Variants in PDE10A observed in about 807,000 individuals in gnomAD.
PDE10A encodes the protein cAMP and cAMP-inhibited cGMP 3',5'-cyclic phosphodiesterase 10A.
Under a neutral mutation model 97.7 loss-of-function variants are expected in PDE10A, and 39 were observed. The ratio of observed to expected loss-of-function variants is 0.40; its 90% CI spans 0.31 to 0.52. The LOEUF (loss-of-function observed/expected upper bound fraction) is 0.52. Among genes scored for constraint, PDE10A ranks in the 20% least tolerant of loss-of-function variants. The probability of loss-of-function intolerance (pLI) is 0.56; values close to 1 mark genes in which losing one functional copy is unlikely to be tolerated. For synonymous variants in PDE10A, 371 were observed against 376.8 expected (o/e 0.98, Z 0.18); for missense variants, 731 against 1,047.8 (o/e 0.70, Z 4.17).
chr6:165,830,016 T>C (rs1042460541), intron 1 of PDE10A, among the ~76,000 whole-genome samples: 7 of 152,168 alleles, frequency 4.6e-5, no homozygotes, highest in African/African-American at 1.4e-4. Context: ...GGCAATAAAC[T>C]GAAACTTCAG....
At chr6:165,422,126 C>G (rs1788736815) in intron 10 of PDE10A, among the ~76,000 whole-genome samples, 1 of 152,104 alleles carries the variant, frequency 6.6e-6, no homozygotes, top group Admixed American at 6.5e-5. Context: ...CACCTTTTCA[C>G]TCTCCCCAAA....
chr6:165,955,070 G>A (rs941760374), intron 1 of PDE10A, among the ~76,000 whole-genome samples: 7 of 152,094 alleles, frequency 4.6e-5, no homozygotes, highest in African/African-American at 7.2e-5. Flanking sequence ...AATGGTCGCC[G>A]TTTCCGTGAC....
rs75779134 is a variant in PDE10A, at chr6:165,817,682, G to A, written c.-615+169847C>T. Among the ~76,000 whole-genome samples the A allele has an allele frequency of 2.4e-3, 358 of 152,294 alleles. 4 individuals are homozygous for A. In the East Asian group the frequency reaches 0.053, roughly 23 times the overall value. On this transcript the variant is annotated intron_variant, in intron 1 of 19. Coordinates refer to the PDE10A transcript ENST00000366882. ...GTCATGTGAGCCGAGCAGGGTGTCAGGGGGAGCAGACTTGGGAAACCCTGC... is the reference window on the plus strand; with the variant it reads ...GTCATGTGAGCCGAGCAGGGTGTCAAGGGGAGCAGACTTGGGAAACCCTGC...
chr6:165,605,432 G>C (rs1787161846), intron 1 of PDE10A, among the ~76,000 whole-genome samples: 1 of 152,302 alleles, frequency 6.6e-6, no homozygotes, highest in Admixed American at 6.5e-5. Flanking sequence ...CTAAAAATAA[G>C]TTTCCTGTAG....
At chr6:165,840,144 C>T (rs1262914588) in intron 1 of PDE10A, among the ~76,000 whole-genome samples, 1 of 151,548 alleles carries the variant, frequency 6.6e-6, no homozygotes, top group Non-Finnish European at 1.5e-5. Context: ...CCATGCTCAT[C>T]TCAATTTCCA....
intron 1 of PDE10A, among the ~76,000 whole-genome samples, chr6:165,607,434 T>C (rs1331204630): frequency 6.6e-6 from 1 of 152,204 alleles, no homozygotes; most frequent in Non-Finnish European, 1.5e-5. Context: ...TACAGCTGCC[T>C]GCAGTATTCA....
intron 5 of PDE10A, among the ~76,000 whole-genome samples, chr6:165,441,453 G>A (rs1194297589): frequency 1.3e-5 from 2 of 152,180 alleles, no homozygotes; most frequent in African/African-American, 2.4e-5. Flanking sequence ...CATTTATGGT[G>A]TAACATTTAA....
intron 1 of PDE10A, among the ~76,000 whole-genome samples, chr6:165,966,997 T>G (rs1784529722): frequency 6.6e-6 from 1 of 152,234 alleles, no homozygotes; most frequent in African/African-American, 2.4e-5. Context: ...CTCTAAATTT[T>G]TTAAAGAAGA....
At chr6:165,683,732 G>A (rs913328710) in intron 1 of PDE10A, among the ~76,000 whole-genome samples, 1 of 152,196 alleles carries the variant, frequency 6.6e-6, no homozygotes, top group Non-Finnish European at 1.5e-5. Flanking sequence ...CAGGAGGGCT[G>A]GAGAGTGCAG....
intron 18 of PDE10A, among the ~76,000 whole-genome samples, chr6:165,344,292 A>C (rs917183257): frequency 6.6e-5 from 10 of 152,250 alleles, no homozygotes; most frequent in African/African-American, 2.4e-4. Context: ...ACCCTAAGTG[A>C]AGTCTCTACT....
chr6:165,571,695 T>C (rs1159972068), intron 1 of PDE10A, among the ~76,000 whole-genome samples: 1 of 152,212 alleles, frequency 6.6e-6, no homozygotes, highest in African/African-American at 2.4e-5. Context: ...CATTCTTAAG[T>C]GTTTAGTACC....
Position 165,639,652 on chromosome 6 carries a change from T to C in PDE10A, c.865+22295A>G, listed in dbSNP as rs571693346. ...TACTTGGGAGGCTGAAGCAAGAGAA[T>C]TCCTTGAACATGAGTGGTAGAGGTT... On this transcript the variant is annotated intron_variant, in intron 1 of 21. Coordinates refer to ENST00000539869, the MANE Select transcript of PDE10A (RefSeq NM_001385079.1). 6.6e-5 allele frequency among the ~76,000 whole-genome samples: 10 copies of C among 150,904 alleles called. No individual in the cohort carries two copies. The East Asian group carries it at 1.8e-3, about 27-fold the overall frequency.
intron 1 of PDE10A, among the ~76,000 whole-genome samples, chr6:165,981,566 T>G (rs1785016669): frequency 6.6e-6 from 1 of 152,210 alleles, no homozygotes. Flanking sequence ...AGGCCTCTGT[T>G]CCATTCTGCA....
intron 2 of PDE10A, among the ~76,000 whole-genome samples, chr6:165,515,486 G>A (rs1405864310): frequency 2.8e-5 from 4 of 142,092 alleles, no homozygotes; most frequent in African/African-American, 1.1e-4. Context: ...AAAATTTATA[G>A]TATACACACA....
intron 1 of PDE10A, among the ~76,000 whole-genome samples, chr6:165,761,412 T>G (rs1003091389): frequency 2.0e-5 from 3 of 152,082 alleles, no homozygotes; most frequent in African/African-American, 7.3e-5. Flanking sequence ...GATCTTTCTT[T>G]CCTTCCTGAA....
chr6:165,332,129 A>C lies in PDE10A; in HGVS notation c.*896T>G, dbSNP rs1020479443. 2 of 152,234 alleles carry C rather than the reference A, an allele frequency of 1.3e-5. No individual in the cohort carries two copies. Among genetic ancestry groups the C allele is most frequent in the Non-Finnish European group, 2.9e-5 (2 of 68,040 alleles). The allele number at this position is 152,234 out of a possible 1,614,324, so 9.4% of individuals were successfully genotyped here. On this transcript the variant is annotated 3_prime_UTR_variant, in exon 22 of 22. Coordinates refer to ENST00000539869, the MANE Select transcript of PDE10A (RefSeq NM_001385079.1). ...GCAATGACACAAAGTGAAAATATAAAGGAATCATTATGAAAAATGTACCCT... is the reference window on the plus strand; with the variant it reads ...GCAATGACACAAAGTGAAAATATAACGGAATCATTATGAAAAATGTACCCT...
At chr6:165,623,346 G>A (rs1788235494) in intron 1 of PDE10A, among the ~76,000 whole-genome samples, 2 of 152,078 alleles carry the variant, frequency 1.3e-5, no homozygotes, top group Middle Eastern at 3.2e-3. Flanking sequence ...TTGAGCCCCT[G>A]GCCTCAAGTG....
chr6:165,615,060 A>G (rs1187851783), intron 1 of PDE10A, among the ~76,000 whole-genome samples: 1 of 151,916 alleles, frequency 6.6e-6, no homozygotes, highest in Non-Finnish European at 1.5e-5. Context: ...AAATACAAAA[A>G]TTAGCCGAGT....
intron 1 of PDE10A, among the ~76,000 whole-genome samples, chr6:165,764,839 T>A (rs1777779341): frequency 6.6e-6 from 1 of 152,176 alleles, no homozygotes; most frequent in South Asian, 2.1e-4. Flanking sequence ...GGGTTGCCAC[T>A]GCTGGCTCGG....
Sources: allele counts gnomAD v4.1 joint callset (sites outside exome capture counted in the v4.1 genomes callset), GRCh38; gene constraint gnomAD v4.1.1; transcripts MANE v1.5; gene names NCBI Gene and HGNC (gene_info 2026-07-23, HGNC 2026-07-21).